Variants in RNF157 observed in about 807,000 individuals in gnomAD.
RNF157 encodes the protein ring finger protein 157, also known as E3 ubiquitin ligase RNF157.
Under a neutral mutation model 88.3 loss-of-function variants are expected in RNF157, and 55 were observed. The ratio of observed to expected loss-of-function variants is 0.62; its 90% confidence interval spans 0.50 to 0.78. The LOEUF (loss-of-function observed/expected upper bound fraction) is 0.78, where lower values mean the gene tolerates loss of function less well. Ranked by LOEUF, RNF157 falls within the 30% of genes least tolerant of loss-of-function variation. RNF157 has a pLI of 0.00. For synonymous variants in RNF157, 334 were observed against 341.2 expected (o/e 0.98, Z 0.23); for missense variants, 788 against 860.8 (o/e 0.92, Z 1.06).
intron 2 of RNF157, among the ~76,000 whole-genome samples, chr17:76,178,094 T>G (rs994240409): frequency 3.9e-5 from 6 of 152,300 alleles, no homozygotes; most frequent in Admixed American, 3.9e-4. Context: ...TTTGGACCCA[T>G]GGAATGGTGG....
In RNF157 at chr17:76,176,441, T is replaced by TA. The variant is rs770424778; in HGVS notation, c.208-2652dup. Among the ~76,000 whole-genome samples the TA allele has an allele frequency of 6.6e-6, 1 of 152,196 alleles. No homozygotes were observed. The highest frequency in any genetic ancestry group is 1.5e-5 in the Non-Finnish European group (1 of 68,026). On this transcript the variant is annotated intron_variant, in intron 2 of 18. Transcript: ENST00000269391. The surrounding 1 kb of genome is among the most constrained non-coding windows in gnomAD (Gnocchi z 4.2). The stretch of plus-strand genomic sequence containing the variant: ...TTAAAAAAAATTTTTTTTCTGCTCT[T>TA]AGAGTTGTCTCCCATTCTTCTGTAA...
chr17:76,230,988 G>C (rs1325817762), intron 1 of RNF157, among the ~76,000 whole-genome samples: 3 of 149,004 alleles, frequency 2.0e-5, no homozygotes, highest in Admixed American at 6.7e-5. Context: ...ACTCAGGCTA[G>C]AGTGCAGTGA....
In RNF157 at chr17:76,176,712, A is replaced by G. The variant is rs775722732; in HGVS notation, c.208-2922T>C. The stretch of plus-strand genomic sequence containing the variant: ...CACCAGCAGAGGAGCAGCGTGGCAG[A>G]AGAGCAGCGCGGTAGGGCAAAGAGG... On this transcript the variant is annotated intron_variant, in intron 2 of 18. Coordinates refer to ENST00000269391, the MANE Select transcript of RNF157 (RefSeq NM_052916.3). This position sits in a 1 kb window ranked among gnomAD's most constrained non-coding sequence, Gnocchi z 4.2. Among the ~76,000 whole-genome samples, 16 of 152,186 alleles carry G rather than the reference A, an allele frequency of 1.1e-4. No individual in the cohort carries two copies. Among genetic ancestry groups the G allele is most frequent in the Non-Finnish European group, 2.1e-4 (14 of 68,028 alleles).
At chr17:76,162,182 A>C (rs1568030373) in intron 9 of RNF157, 180 bp from the exon 10 acceptor site, 2 of 653,572 alleles carry the variant, frequency 3.1e-6, no homozygotes, top group African/African-American at 1.8e-5. Flanking sequence ...TTCTTCTGGG[A>C]AGTGTTTATC....
At chr17:76,155,424 A>T in intron 15 of RNF157, 107 bp from the exon 16 acceptor site, 1 of 1,446,852 alleles carries the variant, frequency 6.9e-7, no homozygotes, top group East Asian at 2.3e-5. Context: ...GTCAGACCTA[A>T]GGGAATGCCT....
chr17:76,165,129 G>A (rs568461753), intron 7 of RNF157, among the ~76,000 whole-genome samples: 126 of 152,266 alleles, frequency 8.3e-4, no homozygotes, highest in African/African-American at 2.9e-3. Flanking sequence ...GGTTCTGTAC[G>A]ATCTGCAGTT....
At chr17:76,169,579 GTTTTTT>G (rs558817508) in intron 3 of RNF157, among the ~76,000 whole-genome samples, 2 of 133,514 alleles carry the variant, frequency 1.5e-5, no homozygotes, top group African/African-American at 5.6e-5. Flanking sequence ...GCCTAGTTAG[GTTTTTT>G]TTTTTTTTTT....
intron 1 of RNF157, among the ~76,000 whole-genome samples, chr17:76,225,036 G>A (rs2070055523): frequency 6.6e-6 from 1 of 152,074 alleles, no homozygotes; most frequent in Non-Finnish European, 1.5e-5. Flanking sequence ...GCCGGGTATG[G>A]TGGCGGGCAT....
At chr17:76,190,818 G>T (rs376743828) in intron 2 of RNF157, among the ~76,000 whole-genome samples, 1 of 148,964 alleles carries the variant, frequency 6.7e-6, no homozygotes. Flanking sequence ...TGAGACAGAA[G>T]AATGGCACGA....
At chr17:76,168,773 A>G (rs1480526711) in intron 3 of RNF157, among the ~76,000 whole-genome samples, 1 of 152,216 alleles carries the variant, frequency 6.6e-6, no homozygotes, top group African/African-American at 2.4e-5. Context: ...CAGCTTCCTG[A>G]AAAAGGGTGT....
chr17:76,228,329 T>C (rs1008104785), intron 1 of RNF157, among the ~76,000 whole-genome samples: 6 of 152,140 alleles, frequency 3.9e-5, no homozygotes, highest in African/African-American at 1.2e-4. Context: ...TGTGGTGCTC[T>C]CAGAACCCTT....
intron 2 of RNF157, among the ~76,000 whole-genome samples, chr17:76,180,292 G>T (rs1390206222): frequency 1.3e-5 from 2 of 152,122 alleles, no homozygotes; most frequent in African/African-American, 2.4e-5. Context: ...CATGAACAAA[G>T]AATGAAATTT....
At chr17:76,165,287 T>G (rs2068904355) in intron 7 of RNF157, among the ~76,000 whole-genome samples, 1 of 152,158 alleles carries the variant, frequency 6.6e-6, no homozygotes, top group Non-Finnish European at 1.5e-5. Context: ...TTTCTTTCTT[T>G]TATTTATTTA....
intron 18 of RNF157, among the ~76,000 whole-genome samples, chr17:76,148,368 G>A (rs2068619095): frequency 6.9e-6 from 1 of 145,634 alleles, no homozygotes; most frequent in Non-Finnish European, 1.5e-5. Flanking sequence ...CCGGGTTCAC[G>A]CCATTCTACT....
intron 7 of RNF157, 106 bp downstream of exon 7, chr17:76,165,396 C>T: frequency 2.6e-6 from 3 of 1,145,606 alleles, no homozygotes; most frequent in Middle Eastern, 2.0e-4. Context: ...GCCTCTAAAG[C>T]CAGACCCATT....
At chr17:76,194,171 CAAAAT>C (rs1363589959) in intron 2 of RNF157, among the ~76,000 whole-genome samples, 1 of 152,158 alleles carries the variant, frequency 6.6e-6, no homozygotes, top group Non-Finnish European at 1.5e-5. Context: ...CCATTACAAA[CAAAAT>C]AAAGAACATT....
chr17:76,175,901 G>A (rs1263330306), intron 2 of RNF157: 9 of 530,556 alleles, frequency 1.7e-5, no homozygotes, highest in Non-Finnish European at 1.9e-5. Flanking sequence ...GATGATAACT[G>A]TGGCAATGAA....
At chr17:76,147,398 C>T in intron 18 of RNF157, 2 of 944,116 alleles carry the variant, frequency 2.1e-6, no homozygotes, top group South Asian at 4.7e-5. Flanking sequence ...ACCACCACCA[C>T]CACCGCCGCC....
At chr17:76,226,813 G>A in intron 1 of RNF157, 2 of 1,531,788 alleles carry the variant, frequency 1.3e-6, no homozygotes, top group Non-Finnish European at 1.8e-6. Context: ...TCATGTTGCG[G>A]TGCTTTGCTG....
Sources: gnomAD v4.1 joint callset for allele counts (sites outside exome capture counted in the v4.1 genomes callset) on GRCh38, gnomAD v4.1.1 for gene constraint, Gnocchi (gnomAD v3.1) non-coding constraint, MANE v1.5 for transcripts, NCBI Gene and HGNC (gene_info 2026-07-23, HGNC 2026-07-21) for gene names.